The following NAA16 variants were observed in gnomAD, a reference collection of about 807,000 sequenced individuals.
The protein encoded by NAA16 is N-alpha-acetyltransferase 16, NatA auxiliary subunit.
In NAA16, 97 loss-of-function variants were observed where a neutral mutation model predicts 110.3. The observed-to-expected ratio is 0.88, with a 90% confidence interval of 0.75 to 1.04. The LOEUF is 1.04. Among genes scored for constraint, NAA16 ranks in the 50% least tolerant of loss-of-function variants. NAA16 has a pLI of 0.00. For missense variants in NAA16, 1,017 were observed against 1,005.1 expected (o/e 1.01, Z -0.16); for synonymous variants, 372 against 330.6 (o/e 1.13, Z -1.36).
Position 41,311,419 on chromosome 13 carries a change from G to GC in NAA16, c.-107dup. 9.5e-7 allele frequency: 1 copy of GC among 1,051,416 alleles called. No homozygotes were observed. Among genetic ancestry groups the GC allele is most frequent in the Non-Finnish European group, 1.4e-6 (1 of 710,720 alleles). 65.1% of individuals were successfully genotyped at this position (1,051,416 alleles called of 1,614,324 possible). On this transcript the variant is annotated 5_prime_UTR_variant, in exon 1 of 20. Coordinates refer to ENST00000379406, the MANE Select transcript of NAA16 (RefSeq NM_024561.5). Reference sequence around the variant, plus strand: ...CTGTAGACCAATGAACTAATCCATCGCCCGCAGCCCGACTCTCAGCAGCGG... The same window carrying GC: ...CTGTAGACCAATGAACTAATCCATCGCCCCGCAGCCCGACTCTCAGCAGCGG...
At chr13:41,348,417 C>T (rs924242865) in intron 9 of NAA16, among the ~76,000 whole-genome samples, 2 of 152,084 alleles carry the variant, frequency 1.3e-5, no homozygotes, top group Non-Finnish European at 1.5e-5. Flanking sequence ...GATGCACCCA[C>T]CTTTCAAAGT....
Position 41,369,250 on chromosome 13 carries a change from T to C in NAA16, c.1914T>C (p.Leu638=). 1 of 1,582,324 alleles carries C rather than the reference T, an allele frequency of 6.3e-7. No individual in the cohort carries two copies. The highest frequency in any genetic ancestry group is 1.2e-5 in the South Asian group (1 of 83,714). The change falls in exon 15 of 20, where the codon CTT becomes CTC. Residue 638 remains leucine (L), a synonymous_variant. Coordinates refer to ENST00000379406, the MANE Select transcript of NAA16 (RefSeq NM_024561.5). ...AAGAAGAAGAAGAAGCCAGTGGCCT[T>C]AAGGAAGAACTTATACCTGAAAAAT... is the stretch of plus-strand genomic sequence containing the variant. The part of the protein sequence containing the change: ...RDEEEEEASG[L]KEELIPEKLE...
chr13:41,349,337 C>T (rs746858135), intron 9 of NAA16, among the ~76,000 whole-genome samples: 2 of 151,972 alleles, frequency 1.3e-5, no homozygotes, highest in East Asian at 3.9e-4. Flanking sequence ...AGGCATGTAC[C>T]ACCATGCCTG....
intron 9 of NAA16, among the ~76,000 whole-genome samples, chr13:41,351,874 A>T (rs981037674): frequency 3.3e-5 from 5 of 152,208 alleles, no homozygotes; most frequent in African/African-American, 1.2e-4. Flanking sequence ...TGGAGGCAAA[A>T]CACCATTTTA....
chr13:41,345,730 G>A (rs988377222), intron 9 of NAA16, among the ~76,000 whole-genome samples: 1 of 152,174 alleles, frequency 6.6e-6, no homozygotes, highest in Middle Eastern at 3.4e-3. Flanking sequence ...CTACAGGCAT[G>A]CGCTACCGTG....
intron 9 of NAA16, among the ~76,000 whole-genome samples, chr13:41,352,601 G>A (rs1449539460): frequency 6.6e-6 from 1 of 152,134 alleles, no homozygotes; most frequent in Non-Finnish European, 1.5e-5. Context: ...GTTGCAGTGA[G>A]CTGAGATCAC....
rs867895157 is a variant in NAA16, at chr13:41,375,848, T to C, written c.*246T>C. The C allele has an allele frequency of 5.9e-6, 2 of 339,956 alleles. No homozygotes were observed. The highest frequency in any genetic ancestry group is 1.0e-4 in the East Asian group (2 of 19,600). 21.1% of individuals were successfully genotyped at this position (339,956 alleles called of 1,614,324 possible). A position where few individuals can be genotyped will look rare whatever the true frequency, so the allele number is the denominator to read the frequency against. On this transcript the variant is annotated 3_prime_UTR_variant, in exon 20 of 20. Coordinates refer to ENST00000379406, the MANE Select transcript of NAA16 (RefSeq NM_024561.5). Reference sequence around the variant, plus strand: ...ATCGCTTCTGTATAATTATAATTTCTTACTAAGCTAAGTTGTATACAACCC... The same window carrying C: ...ATCGCTTCTGTATAATTATAATTTCCTACTAAGCTAAGTTGTATACAACCC...
chr13:41,351,348 G>A (rs997682349), intron 9 of NAA16, among the ~76,000 whole-genome samples: 2 of 152,134 alleles, frequency 1.3e-5, no homozygotes, highest in African/African-American at 4.8e-5. Context: ...TTCTTGGACA[G>A]TTTACCTCTG....
Position 41,325,815 on chromosome 13 carries a change from C to T in NAA16, c.655C>T (p.Gln219Ter), listed in dbSNP as rs145272949. The T allele has an allele frequency of 5.0e-6, 8 of 1,603,888 alleles. No homozygotes were observed. The highest frequency in any genetic ancestry group is 6.0e-6 in the Non-Finnish European group (7 of 1,175,334). The stretch of plus-strand genomic sequence containing the variant: ...GGAACATATAGAAATGTATGAGAAA[C>T]AAATATGTGATAAACTTTTGGTGGA... Reference protein sequence around the residue: ...SLEHIEMYEKQICDKLLVEEI... With the variant: ...SLEHIEMYEK Residue 219 changes from glutamine to a stop codon, truncating the protein, a stop_gained, in exon 6 of 20, where the codon CAA becomes TAA. Transcript: ENST00000379406. LOFTEE classifies it high-confidence loss of function.
At chr13:41,327,467 AAAC>A (rs1179541430) in intron 6 of NAA16, among the ~76,000 whole-genome samples, 5 of 151,598 alleles carry the variant, frequency 3.3e-5, no homozygotes, top group South Asian at 2.1e-4. Context: ...TTAAAAAAAA[AAAC>A]AAATAGGGAA....
intron 9 of NAA16, among the ~76,000 whole-genome samples, chr13:41,337,362 TGAAACCCCA>T (rs1284915256): frequency 4.6e-5 from 7 of 151,944 alleles, no homozygotes; most frequent in Non-Finnish European, 8.8e-5. Flanking sequence ...GCGAACACGG[TGAAACCCCA>T]TCTCTAGTAA....
intron 8 of NAA16, among the ~76,000 whole-genome samples, chr13:41,335,859 G>GTT (rs66771949): frequency 6.8e-6 from 1 of 146,504 alleles, no homozygotes. Flanking sequence ...ACATACATGT[G>GTT]TTTTTTTTTT....
At chr13:41,359,410 TA>T (rs1403593241) in intron 12 of NAA16, among the ~76,000 whole-genome samples, 2 of 152,220 alleles carry the variant, frequency 1.3e-5, no homozygotes, top group Non-Finnish European at 1.5e-5. Context: ...TGAGATGGGC[TA>T]CACATCCATC....
intron 13 of NAA16, among the ~76,000 whole-genome samples, chr13:41,363,046 TTTTG>T: frequency 6.6e-6 from 1 of 152,312 alleles, no homozygotes; most frequent in South Asian, 2.1e-4. Flanking sequence ...TGTTTTTGTT[TTTTG>T]TTTGTTTGTT....
intron 3 of NAA16, among the ~76,000 whole-genome samples, chr13:41,319,666 G>A (rs1162938519): frequency 6.6e-6 from 1 of 152,034 alleles, no homozygotes; most frequent in Non-Finnish European, 1.5e-5. Context: ...ACAGGTGTGT[G>A]CCACCATGCC....
In NAA16 at chr13:41,362,279, C is replaced by T. The variant is rs561157686; in HGVS notation, c.1539+120C>T. On this transcript the variant is annotated intron_variant, in intron 13 of 19. Transcript: ENST00000379406. Reference sequence around the variant, plus strand: ...TGGGAGCTTCATTGTGAAAAAAATTCTTGATCTTTAACCTTTACATTCAGA... The same window carrying T: ...TGGGAGCTTCATTGTGAAAAAAATTTTTGATCTTTAACCTTTACATTCAGA... The T allele has an allele frequency of 2.8e-6, 3 of 1,076,590 alleles. No homozygotes were observed. In the African/African-American group the frequency reaches 4.9e-5, roughly 18 times the overall value. The allele number at this position is 1,076,590 out of a possible 1,614,324, so 66.7% of individuals were successfully genotyped here.
rs1175975128 is a variant in NAA16 at position 41,362,109 on chromosome 13, C to T, written c.1489C>T (p.Arg497Cys). ...GACAGAATGCATTTCAGCTTATCAGCGTCTGGGGAGATACGGGGATGCCTT... is the reference window on the plus strand; with the variant it reads ...GACAGAATGCATTTCAGCTTATCAGTGTCTGGGGAGATACGGGGATGCCTT... ...FQTECISAYQRLGRYGDALKK... is the reference protein window; with the variant it reads ...FQTECISAYQCLGRYGDALKK... Residue 497 changes from arginine to cysteine, a missense_variant, in exon 13 of 20, where the codon CGT (arginine) becomes TGT (cysteine). Arg to Cys is a radical substitution (Grantham distance 180). Coordinates refer to ENST00000379406, the MANE Select transcript of NAA16 (RefSeq NM_024561.5). 5 of 1,608,178 alleles carry T rather than the reference C, an allele frequency of 3.1e-6. No individual in the cohort carries two copies. Among genetic ancestry groups the T allele is most frequent in the African/African-American group, 1.3e-5 (1 of 74,446 alleles).
At chr13:41,359,020 T>A in intron 12 of NAA16, 58 bp downstream of exon 12, 1 of 1,433,154 alleles carries the variant, frequency 7.0e-7, no homozygotes. Context: ...TTGTGAAGTT[T>A]GTCTAAATTA....
At chr13:41,339,619 G>C (rs746477722) in intron 9 of NAA16, among the ~76,000 whole-genome samples, 4 of 151,922 alleles carry the variant, frequency 2.6e-5, no homozygotes, top group Admixed American at 6.6e-5. Flanking sequence ...GTGCAGTGGT[G>C]CAATCTCGGC....
Sources: gnomAD v4.1 joint callset for allele counts (sites outside exome capture counted in the v4.1 genomes callset) on GRCh38, gnomAD v4.1.1 for gene constraint, MANE v1.5 for transcripts, NCBI Gene and HGNC (gene_info 2026-07-23, HGNC 2026-07-21) for gene names.